Variants in VAT1L observed in about 807,000 individuals in gnomAD.
VAT1L encodes vesicle amine transport 1 like, also known as putative NADPH-dependent quinone oxidoreductase VAT1L.
Under a neutral mutation model 44.1 loss-of-function variants are expected in VAT1L, and 34 were observed. The ratio of observed to expected loss-of-function variants is 0.77; its 90% CI spans 0.59 to 1.03. VAT1L has a LOEUF of 1.03. VAT1L is among the 50% of genes least tolerant of loss of function. The probability of loss-of-function intolerance (pLI) is 0.00; values close to 1 mark genes in which losing one functional copy is unlikely to be tolerated. For missense variants in VAT1L, 615 were observed against 538.8 expected, an observed-to-expected ratio of 1.14 and a Z score of -1.40; for synonymous variants, 253 against 202.2, an observed-to-expected ratio of 1.25 and a Z score of -2.13.
intron 3 of VAT1L, among the ~76,000 whole-genome samples, chr16:77,835,790 T>C (rs1276591000): frequency 2.0e-5 from 3 of 152,004 alleles, no homozygotes; most frequent in Non-Finnish European, 4.4e-5. Context: ...AGAGAATCAC[T>C]TGAACCCCGG....
chr16:77,885,820 A>T (rs1029305082), intron 7 of VAT1L, among the ~76,000 whole-genome samples: 1 of 152,154 alleles, frequency 6.6e-6, no homozygotes. Flanking sequence ...CCCAAATCCA[A>T]TGGCTTCTCT....
chr16:77,838,221 G>A (rs1054141450), intron 3 of VAT1L, among the ~76,000 whole-genome samples: 2 of 152,248 alleles, frequency 1.3e-5, no homozygotes, highest in Middle Eastern at 3.4e-3. Context: ...TATGACTCTG[G>A]GGACCCATCC....
At chr16:77,835,100 T>A (rs998113463) in intron 3 of VAT1L, among the ~76,000 whole-genome samples, 5 of 152,216 alleles carry the variant, frequency 3.3e-5, no homozygotes, top group Non-Finnish European at 5.9e-5. Flanking sequence ...AGCAACTGGT[T>A]CTTTTTCTTT....
At chr16:77,891,946 C>T (rs1162732639) in intron 7 of VAT1L, among the ~76,000 whole-genome samples, 1 of 152,182 alleles carries the variant, frequency 6.6e-6, no homozygotes, top group Non-Finnish European at 1.5e-5. Flanking sequence ...GTGGCACATA[C>T]CTGTAGTCCC....
At chr16:77,824,691 G>A (rs1476805637) in intron 2 of VAT1L, among the ~76,000 whole-genome samples, 2 of 149,922 alleles carry the variant, frequency 1.3e-5, no homozygotes, top group Admixed American at 1.3e-4. Flanking sequence ...AGGAGGCAGA[G>A]CTTGCAGTGA....
At chr16:77,856,734 C>T (rs552411744) in intron 3 of VAT1L, among the ~76,000 whole-genome samples, 19 of 152,230 alleles carry the variant, frequency 1.2e-4, no homozygotes, top group African/African-American at 4.6e-4. Flanking sequence ...AATCTCTTCG[C>T]CCATATGAAC....
At chr16:77,899,313 C>T (rs939600569) in intron 7 of VAT1L, among the ~76,000 whole-genome samples, 2 of 152,216 alleles carry the variant, frequency 1.3e-5, no homozygotes, top group African/African-American at 4.8e-5. Flanking sequence ...GCGGCGATGA[C>T]TTTGTCCTGA....
chr16:77,919,642 T>C (rs1466126600), intron 7 of VAT1L, among the ~76,000 whole-genome samples: 2 of 152,146 alleles, frequency 1.3e-5, no homozygotes, highest in Non-Finnish European at 1.5e-5. Flanking sequence ...ATGACTGTGA[T>C]AGAGAAGGAC....
intron 1 of VAT1L, 79 bp downstream of exon 1, chr16:77,788,994 G>A: frequency 1.4e-6 from 2 of 1,412,660 alleles, no homozygotes; most frequent in Non-Finnish European, 1.9e-6. Context: ...GCTGCGGCTG[G>A]GATGCTGCCC....
intron 2 of VAT1L, among the ~76,000 whole-genome samples, chr16:77,821,940 G>A (rs745459552): frequency 2.0e-5 from 3 of 152,144 alleles, no homozygotes; most frequent in Non-Finnish European, 4.4e-5. Flanking sequence ...TGCAGAAATA[G>A]TAGATACAAA....
intron 1 of VAT1L, among the ~76,000 whole-genome samples, chr16:77,792,073 A>G (rs908740343): frequency 6.6e-6 from 1 of 152,156 alleles, no homozygotes; most frequent in Non-Finnish European, 1.5e-5. Context: ...CTTCCCATAC[A>G]TTATCTGCAA....
At chr16:77,819,826 G>A (rs913690398) in intron 2 of VAT1L, among the ~76,000 whole-genome samples, 7 of 152,208 alleles carry the variant, frequency 4.6e-5, no homozygotes, top group African/African-American at 1.7e-4. Flanking sequence ...TAATGAGTCA[G>A]TATTTAACTG....
chr16:77,808,193 A>G (rs1322289718), intron 1 of VAT1L, among the ~76,000 whole-genome samples: 1 of 152,092 alleles, frequency 6.6e-6, no homozygotes, highest in Admixed American at 6.6e-5. Flanking sequence ...CAGCGGCAGC[A>G]TTAGGTTCTC....
chr16:77,934,855 G>T (rs1036359281), intron 7 of VAT1L, among the ~76,000 whole-genome samples: 18 of 152,156 alleles, frequency 1.2e-4, no homozygotes, highest in Non-Finnish European at 2.4e-4. Context: ...TCAGACAATG[G>T]AGACATGAGG....
In VAT1L at chr16:77,884,496, G is replaced by C. The variant is rs2017188508; in HGVS notation, c.883-112G>C. The C allele has an allele frequency of 9.8e-7, 1 of 1,016,954 alleles. No individual in the cohort carries two copies. Among genetic ancestry groups the C allele is most frequent in the Non-Finnish European group, 1.4e-6 (1 of 719,626 alleles). The allele number at this position is 1,016,954 out of a possible 1,614,324, so 63.0% of individuals were successfully genotyped here. ...ACCCCTTGGCCAGCTGGAATCTGCT[G>C]AGCTGCAGCCCCACGTTCCCCCTGT... is the stretch of plus-strand genomic sequence containing the variant. On this transcript the variant is annotated intron_variant, in intron 6 of 8. Coordinates refer to ENST00000302536, the MANE Select transcript of VAT1L (RefSeq NM_020927.3). The surrounding 1 kb of genome is among the most constrained non-coding windows in gnomAD (Gnocchi z 4.5).
chr16:77,806,181 T>G (rs2016155435), intron 1 of VAT1L, among the ~76,000 whole-genome samples: 1 of 149,652 alleles, frequency 6.7e-6, no homozygotes. Context: ...CTTTTTAAAT[T>G]CCTCGATCTC....
chr16:77,958,152 C>T (rs2018123896), intron 7 of VAT1L, among the ~76,000 whole-genome samples: 1 of 152,168 alleles, frequency 6.6e-6, no homozygotes, highest in Non-Finnish European at 1.5e-5. Context: ...AAGTCATCAA[C>T]CTGCCCAGCC....
chr16:77,966,041 C>A (rs114703104), intron 7 of VAT1L, among the ~76,000 whole-genome samples: 4 of 151,954 alleles, frequency 2.6e-5, no homozygotes, highest in Non-Finnish European at 5.9e-5. Flanking sequence ...CAGTCCCCCC[C>A]AAAAAAGCGT....
At chr16:77,929,730 T>C (rs1017133129) in intron 7 of VAT1L, among the ~76,000 whole-genome samples, 2 of 152,176 alleles carry the variant, frequency 1.3e-5, no homozygotes, top group Non-Finnish European at 2.9e-5. Flanking sequence ...ATGAGGTAGG[T>C]GTTGGAATTA....
Sources: allele counts gnomAD v4.1 joint callset (sites outside exome capture counted in the v4.1 genomes callset), GRCh38; gene constraint gnomAD v4.1.1; non-coding constraint Gnocchi (gnomAD v3.1); transcripts MANE v1.5; gene names NCBI Gene and HGNC (gene_info 2026-07-23, HGNC 2026-07-21).